Variants in PIKFYVE observed in about 807,000 individuals in gnomAD.
PIKFYVE encodes 1-phosphatidylinositol 3-phosphate 5-kinase.
Under a neutral mutation model 257.9 loss-of-function variants are expected in PIKFYVE, and 122 were observed. That is an observed-to-expected ratio of 0.47 (90% CI 0.41 to 0.55). The LOEUF is 0.55. Ranked by LOEUF, PIKFYVE falls within the 20% of genes least tolerant of loss-of-function variation. The probability of loss-of-function intolerance (pLI) is 0.00; values close to 1 mark genes in which losing one functional copy is unlikely to be tolerated. For missense variants in PIKFYVE, 2,160 were observed against 2,536.6 expected (o/e 0.85, Z 3.19); for synonymous variants, 892 against 868.9 (o/e 1.03, Z -0.47).
Position 208,340,278 on chromosome 2 carries a change from A to G in PIKFYVE, c.4931+147A>G, listed in dbSNP as rs945024207. The G allele has an allele frequency of 3.1e-5, 34 of 1,088,382 alleles. No individual in the cohort carries two copies. The African/African-American group carries it at 4.5e-4, about 14-fold the overall frequency. 67.4% of individuals were successfully genotyped at this position (1,088,382 alleles called of 1,614,324 possible). On this transcript the variant is annotated intron_variant, in intron 31 of 41. Coordinates refer to ENST00000264380, the MANE Select transcript of PIKFYVE (RefSeq NM_015040.4). ...AGTAAAAGAGATGTCTTTTGATACA[A>G]TGTAATTTGTAGAATATATAATCAT...
intron 28 of PIKFYVE, among the ~76,000 whole-genome samples, chr2:208,338,188 G>A (rs1698346863): frequency 6.6e-6 from 1 of 152,032 alleles, no homozygotes; most frequent in South Asian, 2.1e-4. Flanking sequence ...ATGTAAAGCA[G>A]TGCTACTCTT....
At chr2:208,268,185 A>C (rs1034500433) in intron 1 of PIKFYVE, among the ~76,000 whole-genome samples, 2 of 152,050 alleles carry the variant, frequency 1.3e-5, no homozygotes, top group Non-Finnish European at 2.9e-5. Context: ...AGGGTTAACT[A>C]TATGATTGGG....
At chr2:208,273,850 A>G in intron 3 of PIKFYVE, 117 bp downstream of exon 3, 1 of 1,418,024 alleles carries the variant, frequency 7.1e-7, no homozygotes, top group Non-Finnish European at 9.9e-7. Flanking sequence ...ATAGTAAGAT[A>G]CTATTTGAAA....
intron 37 of PIKFYVE, 67 bp from the exon 38 acceptor site, chr2:208,351,285 G>C (rs539003684): frequency 8.3e-7 from 1 of 1,197,888 alleles, no homozygotes; most frequent in Non-Finnish European, 1.2e-6. Flanking sequence ...AGGATCTTTG[G>C]AATGATGTGT....
chr2:208,293,675 GT>G (rs35035028), intron 7 of PIKFYVE, among the ~76,000 whole-genome samples: 104,081 of 138,960 alleles, frequency 0.75, 39,205 homozygotes, highest in East Asian at 0.91. Flanking sequence ...TACAGGTAAG[GT>G]TTTTTTTTTT....
intron 32 of PIKFYVE, among the ~76,000 whole-genome samples, chr2:208,343,277 A>G (rs1484651092): frequency 3.3e-5 from 5 of 152,338 alleles, no homozygotes; most frequent in African/African-American, 7.2e-5. Context: ...ACTTGTTGAC[A>G]TAGTACTTGG....
intron 12 of PIKFYVE, chr2:208,305,251 C>A: frequency 7.2e-7 from 1 of 1,384,434 alleles, no homozygotes; most frequent in Non-Finnish European, 9.4e-7. Context: ...AGCTTGTAGT[C>A]TTTAAAAGGA....
chr2:208,297,385 A>T (rs1391243837), intron 7 of PIKFYVE, among the ~76,000 whole-genome samples: 4 of 152,224 alleles, frequency 2.6e-5, no homozygotes, highest in African/African-American at 9.6e-5. Context: ...AATTATTTTT[A>T]AAAATTGCTT....
At position 208,285,245 on chromosome 2, in the gene PIKFYVE, G is replaced by A. The variant is rs145152423; in HGVS notation, c.614-481G>A. On this transcript the variant is annotated intron_variant, in intron 5 of 41. Transcript: ENST00000264380. ...TGAGTAGCTGGGATTACAGGTATGC[G>A]TTACCATGCCCGGCTAATTTTTGTA... Among the ~76,000 whole-genome samples, 512 of 152,158 alleles carry A rather than the reference G, an allele frequency of 3.4e-3. 1 individual carries two copies. Among genetic ancestry groups the A allele is most frequent in the African/African-American group, 0.011 (472 of 41,514 alleles).
chr2:208,299,891 C>T (rs1364441926), intron 8 of PIKFYVE, among the ~76,000 whole-genome samples: 4 of 152,072 alleles, frequency 2.6e-5, no homozygotes, highest in South Asian at 2.1e-4. Flanking sequence ...GTGGCATGCA[C>T]GTGTAGTCCC....
intron 7 of PIKFYVE, among the ~76,000 whole-genome samples, chr2:208,293,537 G>A (rs1034560329): frequency 7.9e-5 from 12 of 152,082 alleles, no homozygotes; most frequent in Admixed American, 6.5e-4. Flanking sequence ...CTTTTGAAGG[G>A]TATCATCAGG....
At chr2:208,288,149 A>G (rs543285516) in intron 6 of PIKFYVE, among the ~76,000 whole-genome samples, 29 of 152,336 alleles carry the variant, frequency 1.9e-4, no homozygotes, top group African/African-American at 6.7e-4. Context: ...ATAGATGTCA[A>G]AGGTAGAATG....
chr2:208,348,064 AT>A, intron 35 of PIKFYVE, 41 bp downstream of exon 35: 15 of 1,602,078 alleles, frequency 9.4e-6, no homozygotes, highest in Non-Finnish European at 1.3e-5. Context: ...CTATGCTTTG[AT>A]TTATTTATTT....
At position 208,315,044 on chromosome 2, in the gene PIKFYVE, T is replaced by C. The variant is rs569976288; in HGVS notation, c.1827-149T>C. Reference sequence around the variant, plus strand: ...ATGCAAAATCCTTAAGGTACAGATATAATGAAAGAATGATATTGACCTAGA... The same window carrying C: ...ATGCAAAATCCTTAAGGTACAGATACAATGAAAGAATGATATTGACCTAGA... On this transcript the variant is annotated intron_variant, in intron 14 of 41. Coordinates refer to ENST00000264380, the MANE Select transcript of PIKFYVE (RefSeq NM_015040.4). 35 of 760,884 alleles carry C rather than the reference T, an allele frequency of 4.6e-5. No homozygotes were observed. The East Asian group carries it at 7.0e-4, about 15-fold the overall frequency. 47.1% of individuals were successfully genotyped at this position (760,884 alleles called of 1,614,324 possible).
At chr2:208,322,398 AC>A in intron 17 of PIKFYVE, among the ~76,000 whole-genome samples, 1 of 148,958 alleles carries the variant, frequency 6.7e-6, no homozygotes. Flanking sequence ...AAAAAAAAAA[AC>A]TTAGAAATTG....
At chr2:208,302,692 T>C (rs916471748) in intron 10 of PIKFYVE, 1 of 326,968 alleles carries the variant, frequency 3.1e-6, no homozygotes, top group Non-Finnish European at 5.9e-6. Flanking sequence ...TTGGTTTTAT[T>C]AGGCCTATGC....
chr2:208,312,546 G>T (rs1170386656), intron 13 of PIKFYVE, among the ~76,000 whole-genome samples: 2 of 152,144 alleles, frequency 1.3e-5, no homozygotes, highest in African/African-American at 4.8e-5. Context: ...CTTTTAAGTA[G>T]AATTTGAACT....
chr2:208,342,486 G>A, intron 31 of PIKFYVE, 68 bp from the exon 32 acceptor site: 3 of 1,161,200 alleles, frequency 2.6e-6, no homozygotes, highest in South Asian at 1.3e-5. Context: ...CATACATTTT[G>A]GCTTTCTTAA....
intron 15 of PIKFYVE, among the ~76,000 whole-genome samples, chr2:208,316,235 A>C (rs1394801543): frequency 6.6e-6 from 1 of 152,146 alleles, no homozygotes; most frequent in Non-Finnish European, 1.5e-5. Context: ...ATAGCATTCC[A>C]TGGTGTGTAT....
Sources: gnomAD v4.1 joint callset for allele counts (sites outside exome capture counted in the v4.1 genomes callset) on GRCh38, gnomAD v4.1.1 for gene constraint, MANE v1.5 for transcripts, NCBI Gene and HGNC (gene_info 2026-07-23, HGNC 2026-07-21) for gene names.